Variants in SMG6 observed in about 807,000 individuals in gnomAD.
SMG6 encodes the protein SMG6 nonsense mediated mRNA decay factor.
In SMG6, 66 loss-of-function variants were observed where a neutral mutation model predicts 142.2. That is an observed-to-expected ratio of 0.46 (90% confidence interval 0.38 to 0.57). The LOEUF (loss-of-function observed/expected upper bound fraction) is 0.57. SMG6 is among the 20% of genes least tolerant of loss of function. The pLI, the probability that SMG6 is intolerant of heterozygous loss-of-function variation, is 0.00. For synonymous variants in SMG6, 779 were observed against 702.4 expected (o/e 1.11, Z -1.72); for missense variants, 1,793 against 1,832.0 (o/e 0.98, Z 0.39).
chr17:2,180,045 G>A (rs1034452288), intron 12 of SMG6, among the ~76,000 whole-genome samples: 7 of 152,192 alleles, frequency 4.6e-5, no homozygotes, highest in Admixed American at 1.3e-4. Context: ...AATGAGGTAG[G>A]CTGTCCCACT....
intron 13 of SMG6, among the ~76,000 whole-genome samples, chr17:2,154,683 G>A (rs1416664785): frequency 6.6e-6 from 1 of 152,162 alleles, no homozygotes; most frequent in African/African-American, 2.4e-5. Flanking sequence ...GGATTAATGT[G>A]CACAGAACTT....
intron 13 of SMG6, among the ~76,000 whole-genome samples, chr17:2,093,166 C>T (rs2068768557): frequency 6.6e-6 from 1 of 151,354 alleles, no homozygotes; most frequent in African/African-American, 2.4e-5. Flanking sequence ...TGCAATCCAG[C>T]CTGGGTGACA....
intron 13 of SMG6, among the ~76,000 whole-genome samples, chr17:2,147,572 TA>T (rs879838832): frequency 1.3e-5 from 2 of 150,300 alleles, no homozygotes; most frequent in South Asian, 2.1e-4. Context: ...CCTTACTTCT[TA>T]AAAAAAAATG....
At chr17:2,114,571 C>T (rs952934379) in intron 13 of SMG6, among the ~76,000 whole-genome samples, 5 of 151,984 alleles carry the variant, frequency 3.3e-5, no homozygotes. Context: ...AGCGGCAGTA[C>T]CACATTAATA....
chr17:2,226,357 G>A (rs969581177), intron 10 of SMG6, among the ~76,000 whole-genome samples: 3 of 151,872 alleles, frequency 2.0e-5, no homozygotes, highest in Non-Finnish European at 2.9e-5. Context: ...AAAGTGGGTG[G>A]ATCACGAGGT....
chr17:2,196,401 C>A (rs1160041979), intron 10 of SMG6, among the ~76,000 whole-genome samples: 1 of 152,160 alleles, frequency 6.6e-6, no homozygotes, highest in Non-Finnish European at 1.5e-5. Flanking sequence ...GCGCTTCAGC[C>A]TGGGTGACAA....
At chr17:2,225,275 C>T (rs937467226) in intron 10 of SMG6, among the ~76,000 whole-genome samples, 3 of 149,092 alleles carry the variant, frequency 2.0e-5, no homozygotes, top group African/African-American at 7.5e-5. Context: ...GTCAGGAGTT[C>T]GAGACCAACC....
At chr17:2,088,552 A>C in intron 13 of SMG6, 1 of 985,446 alleles carries the variant, frequency 1.0e-6, no homozygotes, top group Non-Finnish European at 1.2e-6. Flanking sequence ...GCTGTGATCT[A>C]CTGGGGTCTC....
chr17:2,212,859 G>C (rs1194103743), intron 10 of SMG6: 4 of 152,304 alleles, frequency 2.6e-5, no homozygotes, highest in Middle Eastern at 3.2e-3. Context: ...TGCTTTCTGA[G>C]GTCACATGTG....
intron 15 of SMG6, among the ~76,000 whole-genome samples, chr17:2,072,627 C>G (rs568461706): frequency 6.6e-6 from 1 of 152,194 alleles, no homozygotes; most frequent in Non-Finnish European, 1.5e-5. Context: ...AGCTGAGACA[C>G]TGAACATTAC....
intron 6 of SMG6, among the ~76,000 whole-genome samples, chr17:2,287,047 T>C (rs1345280649): frequency 2.0e-5 from 3 of 149,942 alleles, no homozygotes; most frequent in Non-Finnish European, 4.4e-5. Flanking sequence ...TTCTCCTGCC[T>C]CAGCCTTCCC....
chr17:2,267,515 T>C (rs1400898256), intron 8 of SMG6, among the ~76,000 whole-genome samples: 2 of 152,190 alleles, frequency 1.3e-5, no homozygotes, highest in South Asian at 2.1e-4. Context: ...ATGGAGTCTT[T>C]ATATCCATGA....
intron 13 of SMG6, among the ~76,000 whole-genome samples, chr17:2,133,621 T>C (rs986531474): frequency 6.6e-6 from 1 of 152,186 alleles, no homozygotes; most frequent in Non-Finnish European, 1.5e-5. Context: ...TACTGCAGCC[T>C]AGAACTCCTG....
rs146871760 is a variant in SMG6 at position 2,207,403 on chromosome 17, T to C, written c.2870-18888A>G. On this transcript the variant is annotated intron_variant, in intron 10 of 18. Transcript: ENST00000263073. The stretch of plus-strand genomic sequence containing the variant: ...AGGGATACCTGCTATCTAATGCAGT[T>C]GTTTAGTCAACATTCTGTACATGAC... 6.5e-4 allele frequency among the ~76,000 whole-genome samples: 99 copies of C among 152,320 alleles called. 1 individual carries two copies. The highest frequency in any genetic ancestry group is 2.2e-3 in the African/African-American group (92 of 41,576).
chr17:2,228,757 G>A (rs1445086265), intron 10 of SMG6, among the ~76,000 whole-genome samples: 2 of 152,164 alleles, frequency 1.3e-5, no homozygotes, highest in African/African-American at 4.8e-5. Flanking sequence ...AAATGAATTC[G>A]CAGGTCAGGA....
At chr17:2,219,357 C>A (rs192694583) in intron 10 of SMG6, among the ~76,000 whole-genome samples, 1 of 152,122 alleles carries the variant, frequency 6.6e-6, no homozygotes, top group African/African-American at 2.4e-5. Flanking sequence ...CACACTCCAG[C>A]CTGGGCGGCA....
chr17:2,100,052 T>C (rs1353902803), intron 13 of SMG6, among the ~76,000 whole-genome samples: 1 of 150,128 alleles, frequency 6.7e-6, no homozygotes, highest in African/African-American at 2.5e-5. Flanking sequence ...TTTTTTTTTT[T>C]TTCGAGACAG....
At chr17:2,185,796 G>A (rs1173423341) in intron 12 of SMG6, among the ~76,000 whole-genome samples, 4 of 152,134 alleles carry the variant, frequency 2.6e-5, no homozygotes, top group African/African-American at 7.2e-5. Context: ...GACAGGGGGC[G>A]AGGGGAGGGA....
intron 8 of SMG6, among the ~76,000 whole-genome samples, chr17:2,273,910 TATTCACTA>T (rs1361707146): frequency 2.0e-5 from 3 of 152,254 alleles, no homozygotes; most frequent in African/African-American, 4.8e-5. Context: ...AACAATCCAC[TATTCACTA>T]ATTCAGTGTT....
Sources: allele counts gnomAD v4.1 joint callset (sites outside exome capture counted in the v4.1 genomes callset), GRCh38; gene constraint gnomAD v4.1.1; transcripts MANE v1.5; gene names NCBI Gene and HGNC (gene_info 2026-07-23, HGNC 2026-07-21).